The following DST variants were observed in gnomAD, a reference collection of about 807,000 sequenced individuals.
The protein encoded by DST is bullous pemphigoid antigen.
A neutral mutation model predicts 875.2 loss-of-function variants in DST; 253 were observed. The ratio of observed to expected loss-of-function variants is 0.29; its 90% CI spans 0.26 to 0.32. The LOEUF is 0.32. Ranked by LOEUF, DST falls within the 10% of genes least tolerant of loss-of-function variation. The probability of loss-of-function intolerance (pLI) is 1.00; values close to 1 mark genes in which losing one functional copy is unlikely to be tolerated. For missense variants in DST, 8,287 were observed against 9,111.6 expected, an observed-to-expected ratio of 0.91 and a Z score of 3.68; for synonymous variants, 3,124 against 3,197.1, an observed-to-expected ratio of 0.98 and a Z score of 0.77.
intron 100 of DST, 199 bp downstream of exon 100, chr6:56,464,486 A>G: frequency 1.7e-6 from 1 of 595,050 alleles, no homozygotes; most frequent in South Asian, 2.1e-5. Context: ...TTGATCACTT[A>G]TAACACCTGC....
At chr6:56,637,783 T>C (rs1459998245) in intron 22 of DST, among the ~76,000 whole-genome samples, 2 of 152,118 alleles carry the variant, frequency 1.3e-5, no homozygotes, top group East Asian at 3.9e-4. Context: ...CGAGATGCTT[T>C]AATGACTATT....
chr6:56,492,479 A>T, intron 84 of DST, 46 bp from the exon 85 acceptor site: 1 of 1,557,566 alleles, frequency 6.4e-7, no homozygotes, highest in Middle Eastern at 1.8e-4. Context: ...TGAAAATCAG[A>T]TCAATCTTAA....
At chr6:56,670,172 G>GTGTGTGTGTA (rs1207938862) in intron 10 of DST, among the ~76,000 whole-genome samples, 1 of 145,476 alleles carries the variant, frequency 6.9e-6, no homozygotes, top group Non-Finnish European at 1.5e-5. Flanking sequence ...GTGTGTGTGT[G>GTGTGTGTGTA]TATAAGCTAC....
chr6:56,648,736 C>A, intron 12 of DST, 47 bp from the exon 13 acceptor site: 1 of 1,465,084 alleles, frequency 6.8e-7, no homozygotes, highest in Non-Finnish European at 9.2e-7. Context: ...TAGATAATAA[C>A]ATTCATATCT....
chr6:56,484,264 T>C (rs983744084), intron 88 of DST: 2 of 152,192 alleles, frequency 1.3e-5, no homozygotes, highest in Admixed American at 1.3e-4. Flanking sequence ...TATTTCAATA[T>C]AAGCAAAGCC....
At chr6:56,935,349 GCAACTGC>G (rs1365258538) in intron 2 of DST, among the ~76,000 whole-genome samples, 1 of 152,246 alleles carries the variant, frequency 6.6e-6, no homozygotes, top group African/African-American at 2.4e-5. Flanking sequence ...TGAAATGCTC[GCAACTGC>G]CTGCTGCCTG....
chr6:56,619,488 C>G (rs1401486783), intron 36 of DST: 1 of 1,612,128 alleles, frequency 6.2e-7, no homozygotes. Context: ...CTTTCTAATT[C>G]TTTCTCATCT....
intron 103 of DST, among the ~76,000 whole-genome samples, chr6:56,459,617 CAT>C (rs1329742399): frequency 1.3e-5 from 2 of 152,260 alleles, no homozygotes; most frequent in African/African-American, 2.4e-5. Flanking sequence ...GTGATGCAAA[CAT>C]AGAACAAACA....
At chr6:56,464,812 A>C (rs1439184277) in intron 99 of DST, 56 bp from the exon 100 acceptor site, 1 of 1,336,008 alleles carries the variant, frequency 7.5e-7, no homozygotes, top group Admixed American at 2.0e-5. Flanking sequence ...TAGCAGAAGA[A>C]GAAACAAAGT....
chr6:56,847,001 T>C (rs1174922043), intron 4 of DST, among the ~76,000 whole-genome samples: 4 of 65,516 alleles, frequency 6.1e-5, no homozygotes, highest in Admixed American at 1.9e-4. Flanking sequence ...AGACCCTGTC[T>C]CAAAAAAAAA....
intron 9 of DST, among the ~76,000 whole-genome samples, chr6:56,689,234 C>T (rs2099210572): frequency 6.6e-6 from 1 of 152,070 alleles, no homozygotes; most frequent in African/African-American, 2.4e-5. Flanking sequence ...GAATCATGAT[C>T]TAGTACAGTA....
rs571363006 is a variant in DST at position 56,843,176 on chromosome 6, A to C, written c.625+8221T>G. ...AGTTTATCTAAGCGATGACTGACAA[A>C]TTCCCCTCTCCCCCTCGTAACCCCC... is the stretch of plus-strand genomic sequence containing the variant. On this transcript the variant is annotated intron_variant, in intron 4 of 103. Coordinates refer to ENST00000680361, the MANE Select transcript of DST (RefSeq NM_001374736.1). 3.9e-6 allele frequency: 6 copies of C among 1,531,640 alleles called. No individual in the cohort carries two copies. The African/African-American group carries it at 8.1e-5, about 21-fold the overall frequency. The allele number at this position is 1,531,640 out of a possible 1,614,324, so 94.9% of individuals were successfully genotyped here. A position where few individuals can be genotyped will look rare whatever the true frequency, so the allele number is the denominator to read the frequency against.
intron 4 of DST, among the ~76,000 whole-genome samples, chr6:56,741,803 T>C (rs1358198361): frequency 1.3e-5 from 2 of 152,238 alleles, no homozygotes; most frequent in African/African-American, 2.4e-5. Context: ...TTTTAAACAA[T>C]TGAACTTTTA....
chr6:56,870,804 A>T (rs892631481), intron 3 of DST, among the ~76,000 whole-genome samples: 3 of 152,144 alleles, frequency 2.0e-5, no homozygotes, highest in Admixed American at 2.0e-4. Context: ...TAGAAACAAC[A>T]GACACAAATC....
At chr6:56,667,052 G>A (rs1489515134) in intron 10 of DST, among the ~76,000 whole-genome samples, 2 of 151,870 alleles carry the variant, frequency 1.3e-5, no homozygotes, top group Non-Finnish European at 2.9e-5. Context: ...AATCTCTACA[G>A]GTGTATGCCA....
At chr6:56,855,512 A>G (rs1223264259) in intron 3 of DST, among the ~76,000 whole-genome samples, 2 of 152,188 alleles carry the variant, frequency 1.3e-5, no homozygotes, top group African/African-American at 2.4e-5. Flanking sequence ...GCAAAGTGAA[A>G]AATATAAGGA....
chr6:56,903,484 G>A (rs995167734), intron 2 of DST, among the ~76,000 whole-genome samples: 1 of 152,164 alleles, frequency 6.6e-6, no homozygotes, highest in Non-Finnish European at 1.5e-5. Context: ...TTTTGAGACA[G>A]AATCTTGCTC....
chr6:56,787,719 T>C (rs779004819), intron 4 of DST, among the ~76,000 whole-genome samples: 5 of 152,242 alleles, frequency 3.3e-5, no homozygotes, highest in Admixed American at 6.5e-5. Flanking sequence ...AAAACAATCA[T>C]GGTTATTAGA....
At chr6:56,619,147 A>C in intron 36 of DST, 1 of 1,613,930 alleles carries the variant, frequency 6.2e-7, no homozygotes, top group South Asian at 1.1e-5. Context: ...GCAAGTGTTC[A>C]TTTGTGCTGC....
Sources: allele counts gnomAD v4.1 joint callset (sites outside exome capture counted in the v4.1 genomes callset), GRCh38; gene constraint gnomAD v4.1.1; transcripts MANE v1.5; gene names NCBI Gene and HGNC (gene_info 2026-07-23, HGNC 2026-07-21).